Variants in ZNF90 observed in about 807,000 individuals in gnomAD.
The protein encoded by ZNF90 is zinc finger protein 90.
Under a neutral mutation model 12.0 loss-of-function variants are expected in ZNF90, and 11 were observed. The observed-to-expected ratio is 0.92, with a 90% CI of 0.58 to 1.52. ZNF90 has a LOEUF of 1.52. Among genes scored for constraint, ZNF90 ranks in the 40% most tolerant of loss-of-function variants. The pLI is 0.00. For missense variants in ZNF90, 765 were observed against 711.5 expected (o/e 1.08, Z -0.86); for synonymous variants, 232 against 240.1 (o/e 0.97, Z 0.31).
chr19:20,087,517 G>A (rs956142040), intron 1 of ZNF90: 1 of 152,234 alleles, frequency 6.6e-6, no homozygotes, highest in Non-Finnish European at 1.5e-5. Flanking sequence ...TACTGTGAAG[G>A]TGAAATTTTA....
chr19:20,079,842 CCCTG>C (rs1329978846), intron 1 of ZNF90: 5 of 375,858 alleles, frequency 1.3e-5, no homozygotes, highest in African/African-American at 8.6e-5. Flanking sequence ...CCTGTCCCGG[CCCTG>C]AAGCGATGTA....
At chr19:20,097,560 C>T (rs782475478) in intron 1 of ZNF90, among the ~76,000 whole-genome samples, 16 of 152,176 alleles carry the variant, frequency 1.1e-4, no homozygotes, top group African/African-American at 1.9e-4. Context: ...ATTAGAGTAA[C>T]GTGTGCATTG....
chr19:20,093,404 A>G (rs570045096), intron 1 of ZNF90, among the ~76,000 whole-genome samples: 15 of 152,126 alleles, frequency 9.9e-5, no homozygotes, highest in African/African-American at 3.6e-4. Context: ...TTTTAATGGG[A>G]TGGTAATGGG....
In ZNF90 at chr19:20,120,110, A is replaced by G. The variant is rs899736075; in HGVS notation, c.*750A>G. On this transcript the variant is annotated 3_prime_UTR_variant, in exon 4 of 4. Coordinates refer to ENST00000418063, the MANE Select transcript of ZNF90 (RefSeq NM_007138.2). ...AATTCATACTGGCAAAACTCCTACA[A>G]GTGTGAAGAATGTGGGAAAACTTTT... Among the ~76,000 whole-genome samples the G allele has an allele frequency of 3.0e-4, 45 of 152,220 alleles. No individual in the cohort carries two copies. Among genetic ancestry groups the G allele is most frequent in the African/African-American group, 1.1e-3 (45 of 41,464 alleles).
intron 3 of ZNF90, among the ~76,000 whole-genome samples, chr19:20,112,677 A>T (rs1405707845): frequency 2.0e-5 from 3 of 152,126 alleles, no homozygotes; most frequent in Non-Finnish European, 4.4e-5. Flanking sequence ...CTTAACTTTT[A>T]TTTTGGAAAG....
At chr19:20,087,828 G>T (rs1176829372) in intron 1 of ZNF90, among the ~76,000 whole-genome samples, 2 of 152,152 alleles carry the variant, frequency 1.3e-5, no homozygotes, top group African/African-American at 4.8e-5. Context: ...TAGGATTTCG[G>T]TAGGTAAAGG....
chr19:20,119,345 CA>C lies in ZNF90; in HGVS notation c.1792del (p.Met598TrpfsTer11), dbSNP rs2089176108. The C allele has an allele frequency of 6.3e-7, 1 of 1,584,822 alleles. No individual in the cohort carries two copies. The highest frequency in any genetic ancestry group is 1.4e-5 in the African/African-American group (1 of 73,628). ...GACAGAAAGCCTACATAGTGAAGAA[CA>C]TGGCAAATCTTTGAAATATTCCTCA... Reference protein sequence around the residue: ...IGQKAYIVKNMANL With the variant: ...IGQKAYIVKNXANL On this transcript the variant is annotated frameshift_variant, in exon 4 of 4. Transcript: ENST00000418063. LOFTEE classifies it high-confidence loss of function.
rs1029745599 is a variant in ZNF90 at position 20,092,760 on chromosome 19, A to G, written c.4-11479A>G. Among the ~76,000 whole-genome samples the G allele has an allele frequency of 1.5e-4, 23 of 152,282 alleles. 1 individual carries two copies. The highest frequency in any genetic ancestry group is 6.2e-4 in the South Asian group (3 of 4,824). On this transcript the variant is annotated intron_variant, in intron 1 of 3. Coordinates refer to ENST00000418063, the MANE Select transcript of ZNF90 (RefSeq NM_007138.2). ...TTCTTATGAAGAATTATGCCGAGGT[A>G]GGTAACGGATGGAGAAGAAATTTGA...
In ZNF90 at chr19:20,119,103, G is replaced by A. The variant is rs1434752114; in HGVS notation, c.1549G>A (p.Ala517Thr). 1.2e-6 allele frequency: 2 copies of A among 1,612,804 alleles called. No homozygotes were observed. Among genetic ancestry groups the A allele is most frequent in the Non-Finnish European group, 1.7e-6 (2 of 1,179,514 alleles). Residue 517 changes from alanine to threonine, a missense_variant, in exon 4 of 4, where the codon GCC becomes ACC. Coordinates refer to ENST00000418063, the MANE Select transcript of ZNF90 (RefSeq NM_007138.2). ...NPYKCEECGKAFKRSSVLSKH... is the reference protein window; with the variant it reads ...NPYKCEECGKTFKRSSVLSKH... ...CTACAAATGTGAAGAATGTGGCAAA[G>A]CCTTCAAGCGCTCCTCAGTCCTTAG...
chr19:20,078,495 G>T (rs961332196), intron 1 of ZNF90, among the ~76,000 whole-genome samples: 1 of 152,060 alleles, frequency 6.6e-6, no homozygotes, highest in Non-Finnish European at 1.5e-5. Context: ...GGGGTTGACA[G>T]TTTCTCTTTT....
intron 3 of ZNF90, among the ~76,000 whole-genome samples, chr19:20,106,310 A>AT (rs1418435721): frequency 6.6e-6 from 1 of 151,744 alleles, no homozygotes; most frequent in Non-Finnish European, 1.5e-5. Context: ...CTTTTTACTT[A>AT]TTTTTCTTCA....
intron 3 of ZNF90, among the ~76,000 whole-genome samples, chr19:20,116,796 C>T (rs965961739): frequency 2.0e-5 from 3 of 151,796 alleles, no homozygotes; most frequent in South Asian, 2.1e-4. Context: ...CAGCCATTCC[C>T]TGTTTGGGGT....
At chr19:20,108,121 AT>A (rs2089055275) in intron 3 of ZNF90, among the ~76,000 whole-genome samples, 3 of 149,142 alleles carry the variant, frequency 2.0e-5, no homozygotes, top group Non-Finnish European at 4.5e-5. Context: ...TATTTAAAAC[AT>A]TTGTTTTTTA....
intron 3 of ZNF90, among the ~76,000 whole-genome samples, chr19:20,112,934 TTA>T (rs1555705288): frequency 6.6e-6 from 1 of 152,194 alleles, no homozygotes; most frequent in Non-Finnish European, 1.5e-5. Context: ...TATTTTTGTG[TTA>T]TATATTTTTG....
chr19:20,105,362 G>A, intron 3 of ZNF90, 46 bp downstream of exon 3: 1 of 1,484,408 alleles, frequency 6.7e-7, no homozygotes, highest in South Asian at 1.2e-5. Context: ...CAGATAAGAG[G>A]TCCCAAGGTC....
intron 2 of ZNF90, 69 bp downstream of exon 2, chr19:20,104,434 G>A: frequency 2.6e-6 from 4 of 1,511,634 alleles, no homozygotes; most frequent in Non-Finnish European, 3.5e-6. Flanking sequence ...TTTGTGGAAT[G>A]ATTTTTAGTA....
chr19:20,110,379 A>T (rs527543981), intron 3 of ZNF90, among the ~76,000 whole-genome samples: 213 of 152,120 alleles, frequency 1.4e-3, no homozygotes, highest in South Asian at 5.0e-3. Context: ...CCTGGGTTCA[A>T]GCAATTCTCC....
intron 1 of ZNF90, among the ~76,000 whole-genome samples, chr19:20,086,469 C>G (rs1333593811): frequency 6.6e-6 from 1 of 151,844 alleles, no homozygotes; most frequent in Non-Finnish European, 1.5e-5. Flanking sequence ...TCCTTGACCT[C>G]AGGTGATCCA....
At position 20,118,549 on chromosome 19, in the gene ZNF90, A is replaced by G. The variant is rs1555706061; in HGVS notation, c.995A>G (p.Lys332Arg). The G allele has an allele frequency of 1.2e-6, 2 of 1,613,670 alleles. No homozygotes were observed. Among genetic ancestry groups the G allele is most frequent in the Admixed American group, 1.7e-5 (1 of 59,962 alleles). ...FKLSSILSTH[K>R]RIHTGEKPYK... ...CTCTCCTCAATCCTTAGTACACATAAGAGAATCCATACTGGAGAGAAACCC... is the reference window on the plus strand; with the variant it reads ...CTCTCCTCAATCCTTAGTACACATAGGAGAATCCATACTGGAGAGAAACCC... The change falls in exon 4 of 4, where the codon AAG (lysine) becomes AGG (arginine). Residue 332 changes from lysine to arginine, a missense_variant. Lys to Arg is a conservative substitution (Grantham distance 26, BLOSUM62 2). Coordinates refer to ENST00000418063, the MANE Select transcript of ZNF90 (RefSeq NM_007138.2).
Sources: gnomAD v4.1 joint callset for allele counts (sites outside exome capture counted in the v4.1 genomes callset) on GRCh38, gnomAD v4.1.1 for gene constraint, MANE v1.5 for transcripts, NCBI Gene and HGNC (gene_info 2026-07-23, HGNC 2026-07-21) for gene names.